Variants in RPL7A observed in about 807,000 individuals in gnomAD.
The protein encoded by RPL7A is ribosomal protein L7a.
For synonymous variants in RPL7A, 158 were observed against 128.2 expected, an observed-to-expected ratio of 1.23 and a Z score of -1.57; for missense variants, 291 against 338.2, an observed-to-expected ratio of 0.86 and a Z score of 1.09.
At position 133,350,699 on chromosome 9, in the gene RPL7A, A is replaced by G. The variant is rs2129995411; in HGVS notation, c.598A>G (p.Thr200Ala). Reference protein sequence around the residue: ...LGRLVHRKTCTTVAFTQVNSE... With the variant: ...LGRLVHRKTCATVAFTQVNSE... ...ACGTCTAGTCCACAGGAAGACCTGCACCACTGTCGCCTTCACACAGGTGAA... is the reference window on the plus strand; with the variant it reads ...ACGTCTAGTCCACAGGAAGACCTGCGCCACTGTCGCCTTCACACAGGTGAA... The change falls in exon 6 of 8, where the codon ACC becomes GCC. Residue 200 changes from threonine (T) to alanine (A), a missense_variant. Physicochemically the swap from Thr to Ala is moderately conservative, Grantham distance 58. Transcript: ENST00000323345. 6.2e-7 allele frequency: 1 copy of G among 1,614,172 alleles called. No individual in the cohort carries two copies. The highest frequency in any genetic ancestry group is 8.5e-7 in the Non-Finnish European group (1 of 1,180,004).
intron 2 of RPL7A, 84 bp downstream of exon 2, chr9:133,349,126 T>C: frequency 6.5e-7 from 1 of 1,528,642 alleles, no homozygotes; most frequent in Non-Finnish European, 8.9e-7. Context: ...TCTTGTAGGT[T>C]TTAGTGGGTG....
chr9:133,348,960 G>A lies in RPL7A; in HGVS notation c.42G>A (p.Pro14=). 2.5e-6 allele frequency: 4 copies of A among 1,613,988 alleles called. No homozygotes were observed. The highest frequency in any genetic ancestry group is 2.5e-6 in the Non-Finnish European group (3 of 1,180,010). The change falls in exon 2 of 8, where the codon CCG becomes CCA. Residue 14 remains proline, a synonymous_variant. Coordinates refer to ENST00000323345, the MANE Select transcript of RPL7A (RefSeq NM_000972.3). The stretch of plus-strand genomic sequence containing the variant: ...AGGCCAAGGGAAAGAAGGTGGCTCC[G>A]GCCCCAGCTGTCGTGAAGAAGCAGG... The part of the protein sequence containing the change: ...GKKAKGKKVA[P]APAVVKKQEA...
rs2129995771 is a variant in RPL7A at position 133,350,742 on chromosome 9, TG to T, written c.626+17del. On this transcript the variant is annotated intron_variant, in intron 6 of 7. Transcript: ENST00000323345. ...CAGGTGAACTCGTAAGTACACAGCCTGGCCCCAAACTTCCCCCCAGTTCATT... is the reference window on the plus strand; with the variant it reads ...CAGGTGAACTCGTAAGTACACAGCCTGCCCCAAACTTCCCCCCAGTTCATT... The T allele has an allele frequency of 6.2e-7, 1 of 1,610,722 alleles. No homozygotes were observed. The highest frequency in any genetic ancestry group is 1.1e-5 in the South Asian group (1 of 91,048).
chr9:133,348,223 T>G lies in RPL7A; in HGVS notation c.-21T>G, dbSNP rs2129976859. 1.1e-5 allele frequency: 17 copies of G among 1,613,826 alleles called. No homozygotes were observed. Among genetic ancestry groups the G allele is most frequent in the African/African-American group, 4.0e-5 (3 of 74,866 alleles). On this transcript the variant is annotated 5_prime_UTR_variant, in exon 1 of 8. Transcript: ENST00000323345. ...ATTACCCACAATTCCCTTTCCTTTCTCTCTCCTCCCGCCGCCCAAGATGGT... is the reference window on the plus strand; with the variant it reads ...ATTACCCACAATTCCCTTTCCTTTCGCTCTCCTCCCGCCGCCCAAGATGGT...
Position 133,350,139 on chromosome 9 carries a change from T to A in RPL7A, c.415+87T>A, listed in dbSNP as rs2129991595. The stretch of plus-strand genomic sequence containing the variant: ...CTTGGCCTGAAATTACTGTGAAGAG[T>A]AAAACCGAGCTTTTTAACACTGAGT... On this transcript the variant is annotated intron_variant, in intron 4 of 7. Transcript: ENST00000323345. 6.2e-5 allele frequency: 100 copies of A among 1,612,988 alleles called. No homozygotes were observed. In the African/African-American group the frequency reaches 1.2e-3, roughly 20 times the overall value.
chr9:133,348,361 C>A, intron 1 of RPL7A, 115 bp downstream of exon 1: 1 of 1,426,660 alleles, frequency 7.0e-7, no homozygotes, highest in Non-Finnish European at 9.9e-7. Flanking sequence ...TAGGAGAGCC[C>A]CACTCGGTGT....
At chr9:133,348,464 G>T (rs76556605) in intron 1 of RPL7A, 4 of 654,806 alleles carry the variant, frequency 6.1e-6, no homozygotes, top group Admixed American at 5.7e-5. Flanking sequence ...AGAGCGGAAT[G>T]CGTTGTTCCC....
rs2129995545 is a variant in RPL7A, at chr9:133,350,710, C to T, written c.609C>T (p.Ala203=). 2 of 1,614,090 alleles carry T rather than the reference C, an allele frequency of 1.2e-6. No homozygotes were observed. The highest frequency in any genetic ancestry group is 1.7e-5 in the Admixed American group (1 of 60,020). ...LVHRKTCTTV[A]FTQVNSEDKG... ...ACAGGAAGACCTGCACCACTGTCGCCTTCACACAGGTGAACTCGTAAGTAC... is the reference window on the plus strand; with the variant it reads ...ACAGGAAGACCTGCACCACTGTCGCTTTCACACAGGTGAACTCGTAAGTAC... The change falls in exon 6 of 8, where the codon GCC becomes GCT. Residue 203 remains alanine, a synonymous_variant. Transcript: ENST00000323345.
rs1165246810 is a variant in RPL7A at position 133,348,220 on chromosome 9, T to C, written c.-24T>C. The C allele has an allele frequency of 2.5e-6, 4 of 1,613,934 alleles. No individual in the cohort carries two copies. Among genetic ancestry groups the C allele is most frequent in the East Asian group, 2.2e-5 (1 of 44,840 alleles). On this transcript the variant is annotated 5_prime_UTR_variant, in exon 1 of 8. Transcript: ENST00000323345. ...CATATTACCCACAATTCCCTTTCCT[T>C]TCTCTCTCCTCCCGCCGCCCAAGAT...
At position 133,348,904 on chromosome 9, in the gene RPL7A, C is replaced by T. The variant is rs782749128; in HGVS notation, c.4-18C>T. On this transcript the variant is annotated intron_variant, in intron 1 of 7. Transcript: ENST00000323345. ...CGAGTGGAGGCGGCGGTTTAACTGA[C>T]GTTTTCTTTCTGCCCAGCCGAAAGG... 6.2e-7 allele frequency: 1 copy of T among 1,613,548 alleles called. No individual in the cohort carries two copies. The highest frequency in any genetic ancestry group is 2.2e-5 in the East Asian group (1 of 44,872).
At chr9:133,349,113 G>C (rs946696403) in intron 2 of RPL7A, 71 bp downstream of exon 2, 3 of 1,577,236 alleles carry the variant, frequency 1.9e-6, no homozygotes, top group African/African-American at 1.4e-5. Context: ...GGGTTGTGTT[G>C]TATCTTGTAG....
At chr9:133,350,887 T>C (rs2129996784) in intron 6 of RPL7A, 115 bp from the exon 7 acceptor site, 10 of 1,458,390 alleles carry the variant, frequency 6.9e-6, no homozygotes, top group African/African-American at 5.6e-5. Context: ...GAATAAACCA[T>C]GTGGTCAGCA....
Position 133,349,495 on chromosome 9 carries a change from G to A in RPL7A, c.125-56G>A, listed in dbSNP as rs116631717. 907 of 1,611,856 alleles carry A rather than the reference G, an allele frequency of 5.6e-4. 2 individuals carry two copies. The African/African-American group carries it at 7.4e-3, about 13-fold the overall frequency. On this transcript the variant is annotated intron_variant, in intron 2 of 7. Coordinates refer to ENST00000323345, the MANE Select transcript of RPL7A (RefSeq NM_000972.3). The stretch of plus-strand genomic sequence containing the variant: ...ACCAACACCCTTCCTAGTGGCCCCA[G>A]ACATGAACTTGACATGGAATTTGAG...
chr9:133,348,347 G>A, intron 1 of RPL7A, 101 bp downstream of exon 1: 1 of 1,515,506 alleles, frequency 6.6e-7, no homozygotes, highest in Non-Finnish European at 9.2e-7. Flanking sequence ...GCTCCTCCTG[G>A]CGCTAGGAGA....
At chr9:133,350,520 C>T (rs2129994313) in intron 5 of RPL7A, 77 bp from the exon 6 acceptor site, 4 of 1,608,544 alleles carry the variant, frequency 2.5e-6, no homozygotes, top group Non-Finnish European at 3.4e-6. Flanking sequence ...CTTTTTAACC[C>T]TGAGCAATTG....
At chr9:133,348,448 C>A (rs1213875327) in intron 1 of RPL7A, 5 of 705,006 alleles carry the variant, frequency 7.1e-6, no homozygotes, top group Non-Finnish European at 9.4e-6. Context: ...GAGCCCCGGG[C>A]GGCCGAGAGC....
chr9:133,351,050 T>G lies in RPL7A; in HGVS notation c.675T>G (p.Asn225Lys). The change falls in exon 7 of 8, where the codon AAT becomes AAG. Residue 225 changes from asparagine (N) to lysine (K), a missense_variant. Coordinates refer to ENST00000323345, the MANE Select transcript of RPL7A (RefSeq NM_000972.3). Reference sequence around the variant, plus strand: ...AGCTGGTGGAAGCTATCAGGACCAATTACAATGACAGATACGATGAGGTAA... The same window carrying G: ...AGCTGGTGGAAGCTATCAGGACCAAGTACAATGACAGATACGATGAGGTAA... Reference protein sequence around the residue: ...LAKLVEAIRTNYNDRYDEIRR... With the variant: ...LAKLVEAIRTKYNDRYDEIRR... 1 of 1,614,082 alleles carries G rather than the reference T, an allele frequency of 6.2e-7. No individual in the cohort carries two copies. The highest frequency in any genetic ancestry group is 2.2e-5 in the East Asian group (1 of 44,882).
Position 133,350,043 on chromosome 9 carries a change from C to T in RPL7A, c.406C>T (p.Leu136Phe), listed in dbSNP as rs2129990869. ...CGTCCCAACGAAGAGACCACCTGTC[C>T]TTCGAGCAGGTGAGTAGGCCCCACC... is the stretch of plus-strand genomic sequence containing the variant. ...GDVPTKRPPVLRAGVNTVTTL... is the reference protein window; with the variant it reads ...GDVPTKRPPVFRAGVNTVTTL... The change falls in exon 4 of 8, where the codon CTT (leucine) becomes TTT (phenylalanine). Residue 136 changes from leucine to phenylalanine, a missense_variant. By Grantham distance (22) the Leu-to-Phe change is conservative. Coordinates refer to ENST00000323345, the MANE Select transcript of RPL7A (RefSeq NM_000972.3). 1 of 1,613,858 alleles carries T rather than the reference C, an allele frequency of 6.2e-7. No homozygotes were observed. Among genetic ancestry groups the T allele is most frequent in the South Asian group, 1.1e-5 (1 of 91,072 alleles).
At position 133,351,320 on chromosome 9, in the gene RPL7A, A is replaced by G. The variant is rs2129999348; in HGVS notation, c.755A>G (p.Lys252Arg). ...LGPKSVARIA[K>R]LEKAKAKELA... is the part of the protein sequence containing the mutation. ...CCTAAGTCTGTGGCTCGTATCGCCA[A>G]GCTCGAAAAGGCAAAGGCTAAAGAA... The change falls in exon 8 of 8, where the codon AAG (lysine) becomes AGG (arginine). Residue 252 changes from lysine to arginine, a missense_variant. Physicochemically the swap from Lys to Arg is conservative, Grantham distance 26. Transcript: ENST00000323345. 6 of 1,613,898 alleles carry G rather than the reference A, an allele frequency of 3.7e-6. No homozygotes were observed. The highest frequency in any genetic ancestry group is 5.1e-6 in the Non-Finnish European group (6 of 1,179,910).
Sources: allele counts gnomAD v4.1 joint callset, GRCh38; gene constraint gnomAD v4.1.1; transcripts MANE v1.5; gene names NCBI Gene and HGNC (gene_info 2026-07-23, HGNC 2026-07-21).